The following ACTN1 variants were observed in gnomAD, a reference collection of about 807,000 sequenced individuals.
ACTN1 encodes actinin alpha 1.
Under a neutral mutation model 119.6 loss-of-function variants are expected in ACTN1, and 30 were observed. The observed-to-expected ratio is 0.25, with a 90% CI of 0.19 to 0.34. ACTN1 has a LOEUF of 0.34. ACTN1 is among the 10% of genes least tolerant of loss of function. The probability of loss-of-function intolerance (pLI) is 1.00; values close to 1 mark genes in which losing one functional copy is unlikely to be tolerated. For missense variants in ACTN1, 764 were observed against 1,223.4 expected (o/e 0.62, Z 5.60); for synonymous variants, 429 against 472.6 (o/e 0.91, Z 1.20).
In ACTN1 at chr14:68,874,851, G is replaced by C; in HGVS notation, c.*8C>G. 1.3e-6 allele frequency: 2 copies of C among 1,565,578 alleles called. No individual in the cohort carries two copies. Among genetic ancestry groups the C allele is most frequent in the Non-Finnish European group, 1.7e-6 (2 of 1,148,444 alleles). On this transcript the variant is annotated 3_prime_UTR_variant, in exon 22 of 22. Coordinates refer to ENST00000394419, the MANE Select transcript of ACTN1 (RefSeq NM_001130004.2). ...GCGCACAAGACGAGGGCGGCCGGGC[G>C]GGGTGGATTAGAGGTCACTCTCGCC...
chr14:68,912,063 A>G, intron 4 of ACTN1, 93 bp downstream of exon 4: 2 of 1,138,298 alleles, frequency 1.8e-6, no homozygotes, highest in Admixed American at 3.7e-5. Flanking sequence ...CCCCTGATCA[A>G]CGTCCGTTGC....
intron 21 of ACTN1, among the ~76,000 whole-genome samples, chr14:68,876,099 C>T (rs373977730): frequency 1.3e-5 from 2 of 152,146 alleles, no homozygotes; most frequent in Non-Finnish European, 2.9e-5. Context: ...CAGGTTCAAG[C>T]GATTTTCAGG....
intron 1 of ACTN1, among the ~76,000 whole-genome samples, chr14:68,961,456 G>A (rs116199681): frequency 2.0e-5 from 3 of 152,314 alleles, no homozygotes; most frequent in African/African-American, 7.2e-5. Context: ...TGGAAACAGA[G>A]GCCCATGTGG....
At chr14:68,906,711 A>G (rs1239979898) in intron 6 of ACTN1, among the ~76,000 whole-genome samples, 2 of 152,112 alleles carry the variant, frequency 1.3e-5, no homozygotes, top group African/African-American at 4.8e-5. Context: ...CTCTGTCCCT[A>G]TTCTTCGGCA....
At chr14:68,976,550 T>G (rs1006242944) in intron 1 of ACTN1, among the ~76,000 whole-genome samples, 5 of 152,146 alleles carry the variant, frequency 3.3e-5, no homozygotes, top group African/African-American at 1.2e-4. Context: ...ATCTTCAGAG[T>G]CAGGCCCAGA....
At chr14:68,897,688 C>T (rs1435806989) in intron 8 of ACTN1, among the ~76,000 whole-genome samples, 1 of 152,194 alleles carries the variant, frequency 6.6e-6, no homozygotes, top group Non-Finnish European at 1.5e-5. Flanking sequence ...TTCTTCTTCC[C>T]ACAGCTGTCC....
At chr14:68,895,911 G>T (rs947857996) in intron 8 of ACTN1, among the ~76,000 whole-genome samples, 1 of 152,152 alleles carries the variant, frequency 6.6e-6, no homozygotes, top group African/African-American at 2.4e-5. Flanking sequence ...AAGTCTGGGG[G>T]AGATTCCGGG....
chr14:68,925,160 C>T lies in ACTN1; in HGVS notation c.220+398G>A, dbSNP rs1284010515. Among the ~76,000 whole-genome samples, 1 of 152,066 alleles carries T rather than the reference C, an allele frequency of 6.6e-6. No individual in the cohort carries two copies. The highest frequency in any genetic ancestry group is 2.4e-5 in the African/African-American group (1 of 41,404). On this transcript the variant is annotated intron_variant, in intron 2 of 21. Coordinates refer to ENST00000394419, the MANE Select transcript of ACTN1 (RefSeq NM_001130004.2). This position sits in a 1 kb window ranked among gnomAD's most constrained non-coding sequence, Gnocchi z 4.3. Reference sequence around the variant, plus strand: ...CCAGTAGAGCTGTCCCTCCAGACATCTGGACAAACCAGGGGCTGGGGAATG... The same window carrying T: ...CCAGTAGAGCTGTCCCTCCAGACATTTGGACAAACCAGGGGCTGGGGAATG...
At position 68,882,449 on chromosome 14, in the gene ACTN1, G is replaced by A; in HGVS notation, c.1953+9C>T. ...GAGCCCCAGCACTGCTTCCCAGCAT[G>A]GGACCCACCTCCATCTTGGTCTGGA... On this transcript the variant is annotated intron_variant, in intron 16 of 21. Transcript: ENST00000394419. This position sits in a 1 kb window ranked among gnomAD's most constrained non-coding sequence, Gnocchi z 4.5. 1 of 1,613,790 alleles carries A rather than the reference G, an allele frequency of 6.2e-7. No individual in the cohort carries two copies. Among genetic ancestry groups the A allele is most frequent in the Non-Finnish European group, 8.5e-7 (1 of 1,179,780 alleles).
chr14:68,909,993 G>T lies in ACTN1; in HGVS notation c.477C>A (p.Ala159=). ...TCTGGATGTTGACATTTTTGTAAGG[G>T]GCTGTCTTTCTCTGACACCACAGGA... ...GLLLWCQRKT[A]PYKNVNIQNF... The change falls in exon 5 of 22, where the codon GCC becomes GCA. Residue 159 remains alanine (A), a synonymous_variant. Transcript: ENST00000394419. This position sits in a 1 kb window ranked among gnomAD's most constrained non-coding sequence, Gnocchi z 4.1. The T allele has an allele frequency of 1.2e-6, 2 of 1,613,994 alleles. No homozygotes were observed. The highest frequency in any genetic ancestry group is 2.2e-5 in the East Asian group (1 of 44,868).
chr14:68,950,648 G>A (rs1187613136), intron 1 of ACTN1, among the ~76,000 whole-genome samples: 2 of 149,496 alleles, frequency 1.3e-5, no homozygotes, highest in Non-Finnish European at 1.5e-5. Context: ...TGCAAGCTCC[G>A]CCTCCCTGGT....
At chr14:68,939,886 G>A (rs748402991) in intron 1 of ACTN1, among the ~76,000 whole-genome samples, 15 of 151,908 alleles carry the variant, frequency 9.9e-5, no homozygotes, top group Non-Finnish European at 1.5e-4. Flanking sequence ...TAACCCATTT[G>A]GCCCATTGGA....
intron 1 of ACTN1, among the ~76,000 whole-genome samples, chr14:68,929,829 C>T (rs1483584445): frequency 2.0e-5 from 3 of 152,224 alleles, no homozygotes; most frequent in African/African-American, 7.2e-5. Context: ...ACCTCGAAGC[C>T]ACTGCCCATG....
At chr14:68,935,792 T>C in intron 1 of ACTN1, among the ~76,000 whole-genome samples, 1 of 150,546 alleles carries the variant, frequency 6.6e-6, no homozygotes, top group Middle Eastern at 3.2e-3. Context: ...TTTCCATTTG[T>C]TGCACAGTGG....
chr14:68,891,436 G>A (rs963260662), intron 10 of ACTN1, among the ~76,000 whole-genome samples: 1 of 152,170 alleles, frequency 6.6e-6, no homozygotes, highest in African/African-American at 2.4e-5. Flanking sequence ...TTATCTGTCA[G>A]GGGACACTTG....
chr14:68,946,601 C>T (rs932932274), intron 1 of ACTN1, among the ~76,000 whole-genome samples: 5 of 152,156 alleles, frequency 3.3e-5, no homozygotes, highest in South Asian at 2.1e-4. Flanking sequence ...TGCCTAAGAC[C>T]GCGCCTACGC....
chr14:68,876,586 T>C (rs961836689), intron 21 of ACTN1, among the ~76,000 whole-genome samples: 1 of 152,176 alleles, frequency 6.6e-6, no homozygotes, highest in African/African-American at 2.4e-5. Context: ...ATCCATCCAC[T>C]GCCAGGTGGA....
intron 1 of ACTN1, among the ~76,000 whole-genome samples, chr14:68,955,846 G>A (rs2036336017): frequency 6.6e-6 from 1 of 152,248 alleles, no homozygotes. Context: ...AGCAATAACA[G>A]ATTGCCTTTC....
rs541662735 is a variant in ACTN1 at position 68,910,943 on chromosome 14, A to C, written c.428-901T>G. ...TGTGAGGCCTCCCCAGCCATGTGGA[A>C]CTGTGAGTCCATTAAACCTCTTTTT... On this transcript the variant is annotated intron_variant, in intron 4 of 21. Transcript: ENST00000394419. Among the ~76,000 whole-genome samples the C allele has an allele frequency of 3.9e-4, 60 of 152,208 alleles. 1 individual carries two copies. The highest frequency in any genetic ancestry group is 1.4e-3 in the African/African-American group (58 of 41,510).
Sources: allele counts gnomAD v4.1 joint callset (sites outside exome capture counted in the v4.1 genomes callset), GRCh38; gene constraint gnomAD v4.1.1; non-coding constraint Gnocchi (gnomAD v3.1); transcripts MANE v1.5; gene names NCBI Gene and HGNC (gene_info 2026-07-23, HGNC 2026-07-21).